Variants in DACH2 observed in about 807,000 individuals in gnomAD.
DACH2 encodes dachshund family transcription factor 2.
In DACH2, 17 loss-of-function variants were observed where a neutral mutation model predicts 35.8. The observed-to-expected ratio is 0.48, with a 90% confidence interval of 0.33 to 0.71. The LOEUF is 0.71. Ranked by LOEUF, DACH2 falls within the 30% of genes least tolerant of loss-of-function variation. DACH2 has a pLI of 0.02. For missense variants in DACH2, 469 were observed against 472.7 expected, an observed-to-expected ratio of 0.99 and a Z score of 0.07; for synonymous variants, 195 against 177.3, an observed-to-expected ratio of 1.10 and a Z score of -0.79.
At chrX:86,600,504 G>A (rs532685425) in intron 3 of DACH2, among the ~76,000 whole-genome samples, 5 of 112,246 alleles carry the variant, frequency 4.5e-5, no homozygotes, top group South Asian at 3.7e-4. Flanking sequence ...CATCTATGCC[G>A]TGTGTATTGT....
At chrX:86,315,779 A>G (rs1288706529) in intron 1 of DACH2, among the ~76,000 whole-genome samples, 3 of 99,941 alleles carry the variant, frequency 3.0e-5, no homozygotes, top group Non-Finnish European at 4.0e-5. Flanking sequence ...AAGGAAATTG[A>G]GGGTCGTGGA....
At chrX:86,177,601 C>T (rs1435882800) in intron 1 of DACH2, among the ~76,000 whole-genome samples, 1 of 111,331 alleles carries the variant, frequency 9.0e-6, no homozygotes, top group African/African-American at 3.3e-5. Context: ...TGGGGCTTGT[C>T]CAGTCATTCA....
At position 86,350,220 on chromosome X, in the gene DACH2, G is replaced by T. The variant is rs2035571632; in HGVS notation, c.489-26604G>T. Reference sequence around the variant, plus strand: ...CCTTCGCCCACTTTTTGATGGGGTTGTTTGTTTTTTTCTTGTAAATTTGTT... The same window carrying T: ...CCTTCGCCCACTTTTTGATGGGGTTTTTTGTTTTTTTCTTGTAAATTTGTT... On this transcript the variant is annotated intron_variant, in intron 1 of 11. Transcript: ENST00000373125. Among the ~76,000 whole-genome samples, 2 of 16,394 alleles carry T rather than the reference G, an allele frequency of 1.2e-4. 1 individual carries two copies. 14.2% of individuals were successfully genotyped at this position (16,394 alleles called of 115,157 possible).
At chrX:86,469,283 C>T (rs1336713150) in intron 2 of DACH2, among the ~76,000 whole-genome samples, 3 of 110,628 alleles carry the variant, frequency 2.7e-5, no homozygotes, top group African/African-American at 9.8e-5. Flanking sequence ...TTCTATTGTA[C>T]GTCATGGTGA....
At chrX:86,709,607 A>G (rs894688693) in intron 5 of DACH2, among the ~76,000 whole-genome samples, 13 of 111,748 alleles carry the variant, frequency 1.2e-4, no homozygotes, top group Non-Finnish European at 1.9e-5. Context: ...AGAGAATGAA[A>G]AAACAAACAA....
At chrX:86,600,292 A>T (rs1239923890) in intron 3 of DACH2, among the ~76,000 whole-genome samples, 1 of 112,177 alleles carries the variant, frequency 8.9e-6, no homozygotes, top group African/African-American at 3.2e-5. Flanking sequence ...ATTCTCACCA[A>T]TTATGATTTT....
intron 7 of DACH2, among the ~76,000 whole-genome samples, chrX:86,753,085 G>A (rs1403426869): frequency 2.8e-5 from 3 of 108,718 alleles, no homozygotes; most frequent in Admixed American, 9.9e-5. Flanking sequence ...CATACACCCC[G>A]ACACACACAA....
chrX:86,444,382 G>A (rs143645384), intron 2 of DACH2, among the ~76,000 whole-genome samples: 205 of 111,856 alleles, frequency 1.8e-3, no homozygotes, highest in African/African-American at 6.4e-3. Context: ...GAGCCATCGT[G>A]TGTGGCTAGT....
At chrX:86,459,721 A>T (rs1035557191) in intron 2 of DACH2, among the ~76,000 whole-genome samples, 2 of 111,619 alleles carry the variant, frequency 1.8e-5, no homozygotes, top group African/African-American at 6.5e-5. Context: ...TTGTAATGCA[A>T]ACAGCTCTAA....
intron 1 of DACH2, among the ~76,000 whole-genome samples, chrX:86,323,214 C>G (rs1250812658): frequency 8.9e-6 from 1 of 112,288 alleles, no homozygotes; most frequent in Non-Finnish European, 1.9e-5. Context: ...AGCATACCTC[C>G]TAGCAGGAGA....
chrX:86,563,683 C>G (rs2039255876), intron 3 of DACH2, among the ~76,000 whole-genome samples: 1 of 110,191 alleles, frequency 9.1e-6, no homozygotes, highest in Non-Finnish European at 1.9e-5. Flanking sequence ...TTTTGTCTTA[C>G]TCCAGTCACT....
intron 3 of DACH2, among the ~76,000 whole-genome samples, chrX:86,620,672 C>G (rs978250150): frequency 4.5e-5 from 5 of 110,542 alleles, no homozygotes; most frequent in Admixed American, 3.9e-4. Context: ...TTATTAGTTT[C>G]TCCATTGTGC....
intron 4 of DACH2, among the ~76,000 whole-genome samples, chrX:86,656,743 T>C (rs961717011): frequency 1.3e-4 from 14 of 107,039 alleles, no homozygotes; most frequent in African/African-American, 4.4e-4. Context: ...TCATCTTTTT[T>C]CTCTTCAATT....
chrX:86,591,005 T>G (rs1681025042), intron 3 of DACH2, among the ~76,000 whole-genome samples: 1 of 109,600 alleles, frequency 9.1e-6, no homozygotes, highest in South Asian at 4.0e-4. Flanking sequence ...CGGTGTGTGA[T>G]GTTCCCCTTC....
intron 1 of DACH2, among the ~76,000 whole-genome samples, chrX:86,312,357 A>G (rs1206603446): frequency 3.6e-5 from 4 of 111,778 alleles, no homozygotes; most frequent in Non-Finnish European, 7.5e-5. Flanking sequence ...GGATAGCTGT[A>G]TTATGTTAAG....
intron 2 of DACH2, among the ~76,000 whole-genome samples, chrX:86,457,345 A>T (rs779270897): frequency 7.0e-4 from 78 of 111,916 alleles, no homozygotes; most frequent in Non-Finnish European, 1.4e-3. Context: ...AAGTAAAATG[A>T]GGTGTTACCT....
chrX:86,155,655 A>C (rs1245588353), intron 1 of DACH2, among the ~76,000 whole-genome samples: 1 of 111,497 alleles, frequency 9.0e-6, no homozygotes, highest in Non-Finnish European at 1.9e-5. Flanking sequence ...CTGATATTTG[A>C]AAATGCAAAT....
intron 1 of DACH2, among the ~76,000 whole-genome samples, chrX:86,172,960 T>C (rs948479099): frequency 8.9e-6 from 1 of 111,923 alleles, no homozygotes; most frequent in African/African-American, 3.2e-5. Context: ...AAAGGACTTA[T>C]AATTCAAGAA....
chrX:86,163,179 A>C (rs2030825510), intron 1 of DACH2, among the ~76,000 whole-genome samples: 1 of 110,377 alleles, frequency 9.1e-6, no homozygotes, highest in Non-Finnish European at 1.9e-5. Context: ...AACCATCCCC[A>C]CCTTCCCTCC....
Sources: gnomAD v4.1 joint callset for allele counts (sites outside exome capture counted in the v4.1 genomes callset) on GRCh38, gnomAD v4.1.1 for gene constraint, MANE v1.5 for transcripts, NCBI Gene and HGNC (gene_info 2026-07-23, HGNC 2026-07-21) for gene names.